The following RGS17 variants were observed in gnomAD, a reference collection of about 807,000 sequenced individuals.
RGS17 encodes regulator of G protein signaling 17.
A neutral mutation model predicts 25.5 loss-of-function variants in RGS17; 12 were observed. The observed-to-expected ratio is 0.47, with a 90% CI of 0.30 to 0.76. The LOEUF (loss-of-function observed/expected upper bound fraction) is 0.76, where lower values mean the gene tolerates loss of function less well. Among genes scored for constraint, RGS17 ranks in the 30% least tolerant of loss-of-function variants. RGS17 has a pLI of 0.07. For synonymous variants in RGS17, 71 were observed against 76.9 expected, an observed-to-expected ratio of 0.92 and a Z score of 0.40; for missense variants, 196 against 242.2, an observed-to-expected ratio of 0.81 and a Z score of 1.27.
chr6:153,102,847 T>C (rs1308849539), intron 1 of RGS17, among the ~76,000 whole-genome samples: 3 of 152,256 alleles, frequency 2.0e-5, no homozygotes, highest in African/African-American at 7.2e-5. Context: ...ATTGTGTATG[T>C]GTCTTGTTTT....
chr6:153,032,849 C>T (rs1776171069), intron 2 of RGS17, among the ~76,000 whole-genome samples: 1 of 152,164 alleles, frequency 6.6e-6, no homozygotes, highest in Admixed American at 6.5e-5. Context: ...TTGTCATTAT[C>T]GTTTCCGATA....
At position 153,088,086 on chromosome 6, in the gene RGS17, C is replaced by G. The variant is rs1316031344; in HGVS notation, c.-26+43038G>C. Among the ~76,000 whole-genome samples, 5 of 152,226 alleles carry G rather than the reference C, an allele frequency of 3.3e-5. No individual in the cohort carries two copies. In the East Asian group the frequency reaches 7.7e-4, roughly 23 times the overall value. On this transcript the variant is annotated intron_variant, in intron 1 of 4. Transcript: ENST00000206262. ...GGGCACAGGTAGCAAGGAACTGATA[C>G]AGTCCTTGCTAGAGGACCAACAATC...
At chr6:153,116,127 G>C (rs1282565777) in intron 1 of RGS17, among the ~76,000 whole-genome samples, 1 of 152,136 alleles carries the variant, frequency 6.6e-6, no homozygotes, top group Admixed American at 6.6e-5. Context: ...TCATCAGAGT[G>C]AACAGGCAAC....
intron 1 of RGS17, among the ~76,000 whole-genome samples, chr6:153,057,221 TCTTAA>T (rs1200463130): frequency 6.6e-6 from 1 of 151,858 alleles, no homozygotes; most frequent in Non-Finnish European, 1.5e-5. Context: ...AGCTTCATAT[TCTTAA>T]CTTGGGAAGA....
At chr6:153,044,869 C>T (rs1426832142) in intron 1 of RGS17, among the ~76,000 whole-genome samples, 1 of 152,126 alleles carries the variant, frequency 6.6e-6, no homozygotes, top group African/African-American at 2.4e-5. Flanking sequence ...TAAGACTGTA[C>T]TGAGGATTAA....
At chr6:153,051,663 C>T (rs62436151) in intron 1 of RGS17, among the ~76,000 whole-genome samples, 28,449 of 152,020 alleles carry the variant, frequency 0.19, 3,005 homozygotes, top group Admixed American at 0.24. Context: ...ACTGAAGGCA[C>T]GGCTTTGTTC....
intron 1 of RGS17, among the ~76,000 whole-genome samples, chr6:153,053,126 C>A (rs1170909826): frequency 6.6e-6 from 1 of 152,146 alleles, no homozygotes; most frequent in Non-Finnish European, 1.5e-5. Flanking sequence ...TAAGACACAA[C>A]CAATATTCTC....
intron 1 of RGS17, among the ~76,000 whole-genome samples, chr6:153,064,757 T>C (rs369618024): frequency 1.3e-5 from 2 of 152,116 alleles, no homozygotes; most frequent in East Asian, 1.9e-4. Context: ...AATAATATAG[T>C]ATTTGCAAGC....
At chr6:153,020,627 G>C (rs1357887278) in intron 4 of RGS17, among the ~76,000 whole-genome samples, 1 of 152,116 alleles carries the variant, frequency 6.6e-6, no homozygotes, top group African/African-American at 2.4e-5. Context: ...TTAACAAAGA[G>C]GAACACAAAT....
chr6:153,026,944 A>G (rs1308286449), intron 2 of RGS17, among the ~76,000 whole-genome samples: 1 of 152,302 alleles, frequency 6.6e-6, no homozygotes, highest in Non-Finnish European at 1.5e-5. Context: ...TTCTATTCAT[A>G]GTCTGTTTTC....
intron 1 of RGS17, among the ~76,000 whole-genome samples, chr6:153,075,860 A>T (rs1776870063): frequency 6.6e-6 from 1 of 152,220 alleles, no homozygotes. Flanking sequence ...ACACATTCAT[A>T]CATACCTGCA....
chr6:153,130,819 C>A lies in RGS17; in HGVS notation c.-26+305G>T, dbSNP rs1777779592. On this transcript the variant is annotated intron_variant, in intron 1 of 4. Transcript: ENST00000206262. This position sits in a 1 kb window ranked among gnomAD's most constrained non-coding sequence, Gnocchi z 6.4. Reference sequence around the variant, plus strand: ...TGGGACCTGGCCGAGCGTTCCCCGGCGGGCAGGACACTCGCCCGGTTCCCT... The same window carrying A: ...TGGGACCTGGCCGAGCGTTCCCCGGAGGGCAGGACACTCGCCCGGTTCCCT... Among the ~76,000 whole-genome samples the A allele has an allele frequency of 1.3e-5, 2 of 152,056 alleles. No homozygotes were observed. Among genetic ancestry groups the A allele is most frequent in the African/African-American group, 4.8e-5 (2 of 41,438 alleles).
At chr6:153,083,399 G>A (rs934619030) in intron 1 of RGS17, among the ~76,000 whole-genome samples, 3 of 152,154 alleles carry the variant, frequency 2.0e-5, no homozygotes, top group Non-Finnish European at 2.9e-5. Context: ...GAAAAAAGCC[G>A]AAACAAACCA....
At chr6:153,109,586 T>G (rs1777437868) in intron 1 of RGS17, among the ~76,000 whole-genome samples, 1 of 152,258 alleles carries the variant, frequency 6.6e-6, no homozygotes, top group African/African-American at 2.4e-5. Flanking sequence ...AGATTGTATT[T>G]TAATCTGTCC....
chr6:153,054,916 A>T (rs1034413967), intron 1 of RGS17, among the ~76,000 whole-genome samples: 3 of 152,176 alleles, frequency 2.0e-5, no homozygotes, highest in Non-Finnish European at 2.9e-5. Flanking sequence ...GAATTCTCTA[A>T]GTCCCTGAAT....
intron 1 of RGS17, among the ~76,000 whole-genome samples, chr6:153,068,818 AAGAC>A (rs1321851521): frequency 6.6e-6 from 1 of 152,252 alleles, no homozygotes; most frequent in African/African-American, 2.4e-5. Flanking sequence ...TTCTCAAAAG[AAGAC>A]AGAGAGACGG....
chr6:153,016,902 A>G (rs1308954051), intron 4 of RGS17, among the ~76,000 whole-genome samples: 2 of 152,118 alleles, frequency 1.3e-5, no homozygotes, highest in African/African-American at 2.4e-5. Context: ...CAGTCACCCT[A>G]GGATTCAGGT....
chr6:153,054,053 A>T (rs1227105734), intron 1 of RGS17, among the ~76,000 whole-genome samples: 2 of 79,628 alleles, frequency 2.5e-5, no homozygotes, highest in Non-Finnish European at 4.4e-5. Context: ...GTATATATGT[A>T]TATAATATAT....
At position 153,059,858 on chromosome 6, in the gene RGS17, A is replaced by G. The variant is rs2349432; in HGVS notation, c.-25-15815T>C. 9.9e-5 allele frequency among the ~76,000 whole-genome samples: 15 copies of G among 152,120 alleles called. No homozygotes were observed. The East Asian group carries it at 2.5e-3, about 26-fold the overall frequency. On this transcript the variant is annotated intron_variant, in intron 1 of 4. Transcript: ENST00000206262. ...GTAATTACCAAATAACAATTTTAAC[A>G]TAAGTCAAAATTTGGGTCTTTGCTA... is the stretch of plus-strand genomic sequence containing the variant.
Sources: gnomAD v4.1 joint callset for allele counts (sites outside exome capture counted in the v4.1 genomes callset) on GRCh38, gnomAD v4.1.1 for gene constraint, Gnocchi (gnomAD v3.1) non-coding constraint, MANE v1.5 for transcripts, NCBI Gene and HGNC (gene_info 2026-07-23, HGNC 2026-07-21) for gene names.